ERBB4: variants seen among roughly 807,000 people sequenced by gnomAD.
ERBB4 encodes receptor tyrosine-protein kinase erbB-4.
A neutral mutation model predicts 158.0 loss-of-function variants in ERBB4; 42 were observed. That is an observed-to-expected ratio of 0.27 (90% CI 0.21 to 0.34). The LOEUF is 0.34. Among genes scored for constraint, ERBB4 ranks in the 10% least tolerant of loss-of-function variants. The probability of loss-of-function intolerance (pLI) is 1.00; values close to 1 mark genes in which losing one functional copy is unlikely to be tolerated. For missense variants in ERBB4, 1,333 were observed against 1,624.1 expected (o/e 0.82, Z 3.08); for synonymous variants, 583 against 558.7 (o/e 1.04, Z -0.61).
At chr2:212,101,926 T>C (rs113383920) in intron 2 of ERBB4, among the ~76,000 whole-genome samples, 1,887 of 151,646 alleles carry the variant, frequency 0.012, 19 homozygotes, top group Middle Eastern at 0.027. Context: ...ATTTACCTCC[T>C]TTCGGTCACC....
intron 2 of ERBB4, among the ~76,000 whole-genome samples, chr2:211,961,892 T>C (rs2081188661): frequency 6.6e-6 from 1 of 152,118 alleles, no homozygotes; most frequent in African/African-American, 2.4e-5. Context: ...GAAAAAATAC[T>C]TTAAAAGCAA....
chr2:211,674,203 G>T (rs892385756), intron 13 of ERBB4, among the ~76,000 whole-genome samples: 2 of 152,006 alleles, frequency 1.3e-5, no homozygotes, highest in African/African-American at 4.8e-5. Context: ...AAAATTTGAC[G>T]ATGTTTAGCT....
At position 211,860,984 on chromosome 2, in the gene ERBB4, TATATA is replaced by T. The variant is rs1368167391; in HGVS notation, c.422-72830_422-72826del. The stretch of plus-strand genomic sequence containing the variant: ...AATATATAAATATATTTAAATATAT[TATATA>T]ATATAATATATTATATATTTATATA... On this transcript the variant is annotated intron_variant, in intron 3 of 27. Transcript: ENST00000342788. Among the ~76,000 whole-genome samples the T allele has an allele frequency of 3.6e-4, 29 of 80,000 alleles. 4 individuals carry two copies. Among genetic ancestry groups the T allele is most frequent in the Admixed American group, 9.6e-4 (6 of 6,228 alleles). The allele number at this position is 80,000 out of a possible 152,430, so 52.5% of individuals were successfully genotyped here. A position where few individuals can be genotyped will look rare whatever the true frequency, so the allele number is the denominator to read the frequency against.
chr2:211,545,856 T>C (rs963961389), intron 20 of ERBB4, among the ~76,000 whole-genome samples: 21 of 152,038 alleles, frequency 1.4e-4, no homozygotes, highest in Non-Finnish European at 2.9e-4. Context: ...GGCTAGCTGA[T>C]AGATGACTGT....
At chr2:212,126,493 T>C (rs1393180495) in intron 1 of ERBB4, among the ~76,000 whole-genome samples, 2 of 149,490 alleles carry the variant, frequency 1.3e-5, no homozygotes, top group Admixed American at 6.7e-5. Context: ...AAATTGTGTG[T>C]GACTTCCAGA....
chr2:211,655,875 C>T lies in ERBB4; in HGVS notation c.1946+1879G>A, dbSNP rs543937173. Among the ~76,000 whole-genome samples the T allele has an allele frequency of 2.2e-3, 342 of 152,316 alleles. 2 individuals carry two copies. The highest frequency in any genetic ancestry group is 0.014 in the Middle Eastern group (4 of 294). On this transcript the variant is annotated intron_variant, in intron 16 of 27. Transcript: ENST00000342788. ...GTCACAGTGCCACTGTTGTAGAAAT[C>T]AATTTACTCTAGCACATGCTTCGCT...
chr2:212,430,181 TTGTG>T (rs2091996135), intron 1 of ERBB4, among the ~76,000 whole-genome samples: 1 of 152,224 alleles, frequency 6.6e-6, no homozygotes, highest in Non-Finnish European at 1.5e-5. Flanking sequence ...CCTCTTATAC[TTGTG>T]TTTTATATAC....
At chr2:212,142,935 C>G (rs1323303474) in intron 1 of ERBB4, among the ~76,000 whole-genome samples, 1 of 144,192 alleles carries the variant, frequency 6.9e-6, no homozygotes, top group Non-Finnish European at 1.5e-5. Context: ...TTAGGAACAT[C>G]TTTTTTTTTT....
intron 3 of ERBB4, among the ~76,000 whole-genome samples, chr2:211,940,416 T>C (rs949631967): frequency 6.6e-6 from 1 of 152,126 alleles, no homozygotes; most frequent in Non-Finnish European, 1.5e-5. Context: ...GTCTCCCTTA[T>C]ACATTTTTTT....
chr2:211,925,809 G>A lies in ERBB4; in HGVS notation c.421+21621C>T, dbSNP rs531079043. Among the ~76,000 whole-genome samples, 14 of 152,196 alleles carry A rather than the reference G, an allele frequency of 9.2e-5. No individual in the cohort carries two copies. In the South Asian group the frequency reaches 1.9e-3, roughly 20 times the overall value. ...TAAAGAAAGAAGGATTGTGTAGGAA[G>A]GCATTTCCATTTCATACTTTTTCTC... is the stretch of plus-strand genomic sequence containing the variant. On this transcript the variant is annotated intron_variant, in intron 3 of 27. Transcript: ENST00000342788.
intron 1 of ERBB4, among the ~76,000 whole-genome samples, chr2:212,165,110 T>A (rs1201270360): frequency 6.6e-6 from 1 of 151,990 alleles, no homozygotes; most frequent in Non-Finnish European, 1.5e-5. Context: ...GTCTTGTTCC[T>A]TCATCACCCA....
chr2:211,535,975 T>TA (rs1559270900), intron 20 of ERBB4, among the ~76,000 whole-genome samples: 1 of 151,772 alleles, frequency 6.6e-6, no homozygotes. Flanking sequence ...TTTCCCTGTT[T>TA]TTTTAAATTT....
intron 2 of ERBB4, among the ~76,000 whole-genome samples, chr2:212,041,167 G>A (rs1000859112): frequency 6.6e-6 from 1 of 152,092 alleles, no homozygotes; most frequent in Non-Finnish European, 1.5e-5. Context: ...AACTGAATGT[G>A]TTCATGTATG....
chr2:211,881,637 G>A (rs966563668), intron 3 of ERBB4, among the ~76,000 whole-genome samples: 2 of 151,990 alleles, frequency 1.3e-5, no homozygotes. Context: ...TGCAAATGAC[G>A]CAACTGGTCT....
chr2:211,775,939 A>T (rs957145949), intron 4 of ERBB4, among the ~76,000 whole-genome samples: 3 of 152,216 alleles, frequency 2.0e-5, no homozygotes, highest in Non-Finnish European at 2.9e-5. Flanking sequence ...ATGGTGATAT[A>T]CAGACCGGGG....
intron 2 of ERBB4, among the ~76,000 whole-genome samples, chr2:211,978,996 G>C (rs1005065855): frequency 1.3e-5 from 2 of 152,094 alleles, no homozygotes; most frequent in African/African-American, 4.8e-5. Context: ...AAAACATTAA[G>C]ACAAGAATGG....
intron 1 of ERBB4, among the ~76,000 whole-genome samples, chr2:212,233,780 T>C (rs1455900247): frequency 6.6e-6 from 1 of 152,074 alleles, no homozygotes; most frequent in African/African-American, 2.4e-5. Context: ...GTCAAATAAT[T>C]TGACCAAAGC....
intron 1 of ERBB4, among the ~76,000 whole-genome samples, chr2:212,224,105 T>G (rs991935328): frequency 1.3e-5 from 2 of 151,964 alleles, no homozygotes; most frequent in African/African-American, 4.8e-5. Context: ...TAATCAATCA[T>G]GTTTATTCTC....
chr2:211,454,813 C>T (rs1482108157), intron 20 of ERBB4, among the ~76,000 whole-genome samples: 1 of 152,210 alleles, frequency 6.6e-6, no homozygotes, highest in Non-Finnish European at 1.5e-5. Flanking sequence ...AATAACTTTT[C>T]CTATTAAGCA....
Sources: allele counts gnomAD v4.1 joint callset (sites outside exome capture counted in the v4.1 genomes callset), GRCh38; gene constraint gnomAD v4.1.1; transcripts MANE v1.5; gene names NCBI Gene and HGNC (gene_info 2026-07-23, HGNC 2026-07-21).